FBXO40: variants seen among roughly 807,000 people sequenced by gnomAD.
The protein encoded by FBXO40 is F-box only protein 40.
In FBXO40, 50 loss-of-function variants were observed where a neutral mutation model predicts 49.9. The ratio of observed to expected loss-of-function variants is 1.00; its 90% CI spans 0.80 to 1.27. FBXO40 has a LOEUF of 1.27. Among genes scored for constraint, FBXO40 ranks in the 50% most tolerant of loss-of-function variants. FBXO40 has a pLI of 0.00. For synonymous variants in FBXO40, 340 were observed against 320.2 expected (o/e 1.06, Z -0.66); for missense variants, 895 against 870.1 (o/e 1.03, Z -0.36).
chr3:121,627,577 C>T lies in FBXO40; in HGVS notation c.*667C>T. 1 of 327,492 alleles carries T rather than the reference C, an allele frequency of 3.1e-6. No individual in the cohort carries two copies. Among genetic ancestry groups the T allele is most frequent in the Admixed American group, 4.9e-5 (1 of 20,464 alleles). 20.3% of individuals were successfully genotyped at this position (327,492 alleles called of 1,614,324 possible). A position where few individuals can be genotyped will look rare whatever the true frequency, so the allele number is the denominator to read the frequency against. On this transcript the variant is annotated 3_prime_UTR_variant, in exon 4 of 4. Coordinates refer to ENST00000338040, the MANE Select transcript of FBXO40 (RefSeq NM_016298.4). ...ACAGAGTCTGTTGCTAGAATCTTGG[C>T]AACATACAGCAGGAAAGCCTTGATA... is the stretch of plus-strand genomic sequence containing the variant.
intron 1 of FBXO40, among the ~76,000 whole-genome samples, chr3:121,613,871 G>A (rs554712942): frequency 7.4e-4 from 112 of 152,314 alleles, no homozygotes; most frequent in African/African-American, 2.5e-3. Flanking sequence ...TGTGGCTCAC[G>A]CCTGTAATCC....
rs1316670352 is a variant in FBXO40, at chr3:121,621,864, AC to A, written c.436del (p.Leu146PhefsTer15). ...TCTTCAGATCCTTGAAAATGGTGGA[AC>A]TTTTCCCAGAAACTAGAGAGGCTAC... ...VLFRSLKMVE[L>X]FPETREATEE... On this transcript the variant is annotated frameshift_variant, in exon 3 of 4. Transcript: ENST00000338040. LOFTEE classifies it high-confidence loss of function. The A allele has an allele frequency of 1.2e-6, 2 of 1,614,064 alleles. No homozygotes were observed. The highest frequency in any genetic ancestry group is 1.7e-6 in the Non-Finnish European group (2 of 1,180,032).
chr3:121,618,992 TTTTGTTTG>T (rs751073342), intron 1 of FBXO40, among the ~76,000 whole-genome samples: 3 of 151,616 alleles, frequency 2.0e-5, no homozygotes, highest in African/African-American at 7.3e-5. Context: ...TAAAATGGTT[TTTTGTTTG>T]TTTGTTTGTT....
At chr3:121,603,908 C>T (rs764165579) in intron 1 of FBXO40, among the ~76,000 whole-genome samples, 22 of 151,946 alleles carry the variant, frequency 1.4e-4, no homozygotes, top group Middle Eastern at 3.2e-3. Flanking sequence ...TTAGTAGAGA[C>T]GGGGTTTCAC....
At chr3:121,600,013 A>G (rs1268028996) in intron 1 of FBXO40, among the ~76,000 whole-genome samples, 1 of 150,862 alleles carries the variant, frequency 6.6e-6, no homozygotes. Context: ...ATAAGCCACC[A>G]TGCCCTGTCT....
chr3:121,606,358 C>G (rs1240918239), intron 1 of FBXO40, among the ~76,000 whole-genome samples: 5 of 152,196 alleles, frequency 3.3e-5, no homozygotes, highest in Non-Finnish European at 7.3e-5. Flanking sequence ...AGGTTTAATT[C>G]AAGACAAATG....
intron 1 of FBXO40, among the ~76,000 whole-genome samples, chr3:121,597,397 T>C (rs867278311): frequency 6.6e-6 from 1 of 152,094 alleles, no homozygotes; most frequent in African/African-American, 2.4e-5. Flanking sequence ...CTTACATTCT[T>C]AAAAGAGTGA....
intron 1 of FBXO40, among the ~76,000 whole-genome samples, chr3:121,606,501 C>A (rs1359252898): frequency 3.3e-5 from 5 of 152,202 alleles, no homozygotes; most frequent in Admixed American, 2.6e-4. Flanking sequence ...GTTAAATACC[C>A]TAGTTGAACT....
rs200897227 is a variant in FBXO40, at chr3:121,621,443, G to T, written c.14G>T (p.Arg5Leu). The T allele has an allele frequency of 1.9e-6, 3 of 1,612,528 alleles. No homozygotes were observed. The highest frequency in any genetic ancestry group is 1.3e-5 in the African/African-American group (1 of 75,018). MGKA[R>L]RSPPGHHRHC... ...CCTTGGTGTGTCCAGGGGAAAGCCCGCAGATCCCCGCCAGGGCACCACAGG... is the reference window on the plus strand; with the variant it reads ...CCTTGGTGTGTCCAGGGGAAAGCCCTCAGATCCCCGCCAGGGCACCACAGG... The change falls in exon 3 of 4, where the codon CGC becomes CTC. Residue 5 changes from arginine to leucine, a missense_variant. Physicochemically the swap from Arg to Leu is moderately radical, Grantham distance 102. Coordinates refer to ENST00000338040, the MANE Select transcript of FBXO40 (RefSeq NM_016298.4).
chr3:121,616,741 T>C (rs1005905034), intron 1 of FBXO40, among the ~76,000 whole-genome samples: 1 of 152,146 alleles, frequency 6.6e-6, no homozygotes, highest in Non-Finnish European at 1.5e-5. Flanking sequence ...AACTAATAAA[T>C]GAATGAACCA....
chr3:121,599,897 A>G (rs1050755988), intron 1 of FBXO40, among the ~76,000 whole-genome samples: 16 of 151,230 alleles, frequency 1.1e-4, no homozygotes, highest in African/African-American at 3.4e-4. Flanking sequence ...TAATTTTTGT[A>G]TTTTTAGTAG....
Position 121,629,989 on chromosome 3 carries a change from C to T in FBXO40, c.*3079C>T, listed in dbSNP as rs2049084595. 6.6e-6 allele frequency: 1 copy of T among 152,126 alleles called. No homozygotes were observed. Among genetic ancestry groups the T allele is most frequent in the Non-Finnish European group, 1.5e-5 (1 of 68,056 alleles). 9.4% of individuals were successfully genotyped at this position (152,126 alleles called of 1,614,324 possible). ...GAGTATCATCACCAAGAAAGGCAGT[C>T]CAGAGTAGAGATCAGCCGAATATGG... On this transcript the variant is annotated 3_prime_UTR_variant, in exon 4 of 4. Coordinates refer to ENST00000338040, the MANE Select transcript of FBXO40 (RefSeq NM_016298.4).
intron 1 of FBXO40, among the ~76,000 whole-genome samples, chr3:121,605,713 C>T (rs1468750138): frequency 2.6e-5 from 4 of 152,236 alleles, no homozygotes; most frequent in Admixed American, 6.5e-5. Context: ...CTGAGAATGG[C>T]TTCCTATGCC....
rs115181740 is a variant in FBXO40 at position 121,597,186 on chromosome 3, T to A, written c.-31+3684T>A. On this transcript the variant is annotated intron_variant, in intron 1 of 3. Transcript: ENST00000338040. ...AAGGCAAGTCTCAAGGACCACACTTTCCTTTTTTCTTGATGAGCAGAATAA... is the reference window on the plus strand; with the variant it reads ...AAGGCAAGTCTCAAGGACCACACTTACCTTTTTTCTTGATGAGCAGAATAA... 6.4e-3 allele frequency among the ~76,000 whole-genome samples: 980 copies of A among 152,304 alleles called. 14 individuals are homozygous for A. The highest frequency in any genetic ancestry group is 0.022 in the African/African-American group (920 of 41,572).
chr3:121,598,128 G>A (rs1447079189), intron 1 of FBXO40, among the ~76,000 whole-genome samples: 1 of 152,160 alleles, frequency 6.6e-6, no homozygotes, highest in African/African-American at 2.4e-5. Flanking sequence ...GTGGCAAGAA[G>A]GAGTCCACAG....
In FBXO40 at chr3:121,627,081, C is replaced by T; in HGVS notation, c.*171C>T. 3 of 618,288 alleles carry T rather than the reference C, an allele frequency of 4.9e-6. No individual in the cohort carries two copies. Among genetic ancestry groups the T allele is most frequent in the Non-Finnish European group, 8.6e-6 (3 of 350,384 alleles). The allele number at this position is 618,288 out of a possible 1,614,324, so 38.3% of individuals were successfully genotyped here. A position where few individuals can be genotyped will look rare whatever the true frequency, so the allele number is the denominator to read the frequency against. On this transcript the variant is annotated 3_prime_UTR_variant, in exon 4 of 4. Coordinates refer to ENST00000338040, the MANE Select transcript of FBXO40 (RefSeq NM_016298.4). ...ACCTCAACACGAGGCCTAAGAATTT[C>T]CTAAGCCATGTCTTGTACCATAGTG... is the stretch of plus-strand genomic sequence containing the variant.
intron 1 of FBXO40, among the ~76,000 whole-genome samples, chr3:121,595,848 T>A (rs1293397629): frequency 6.6e-6 from 1 of 152,220 alleles, no homozygotes; most frequent in East Asian, 1.9e-4. Context: ...AGTTAAAAAA[T>A]CTTTGACCTT....
chr3:121,620,687 T>G lies in FBXO40; in HGVS notation c.3+109T>G, dbSNP rs2049025549. On this transcript the variant is annotated intron_variant, in intron 2 of 3. Transcript: ENST00000338040. Reference sequence around the variant, plus strand: ...GACTTGCTCTTATGGTTTGATGATATTTATCAACTTTTTTCCAAACTAGAG... The same window carrying G: ...GACTTGCTCTTATGGTTTGATGATAGTTATCAACTTTTTTCCAAACTAGAG... 1.2e-5 allele frequency: 16 copies of G among 1,374,918 alleles called. No homozygotes were observed. In the South Asian group the frequency reaches 1.9e-4, roughly 16 times the overall value. The allele number at this position is 1,374,918 out of a possible 1,614,324, so 85.2% of individuals were successfully genotyped here. A position where few individuals can be genotyped will look rare whatever the true frequency, so the allele number is the denominator to read the frequency against.
chr3:121,623,765 C>A (rs2049047370), intron 3 of FBXO40, among the ~76,000 whole-genome samples: 1 of 150,872 alleles, frequency 6.6e-6, no homozygotes, highest in East Asian at 1.9e-4. Flanking sequence ...CTTGGCTCAC[C>A]ACAACCTCCA....
Sources: gnomAD v4.1 joint callset for allele counts (sites outside exome capture counted in the v4.1 genomes callset) on GRCh38, gnomAD v4.1.1 for gene constraint, MANE v1.5 for transcripts, NCBI Gene and HGNC (gene_info 2026-07-23, HGNC 2026-07-21) for gene names.